SHISA9: variants seen among roughly 807,000 people sequenced by gnomAD.
The protein encoded by SHISA9 is protein shisa-9.
In SHISA9, 13 loss-of-function variants were observed where a neutral mutation model predicts 38.0. The ratio of observed to expected loss-of-function variants is 0.34; its 90% CI spans 0.22 to 0.54. SHISA9 has a LOEUF of 0.54. Among genes scored for constraint, SHISA9 ranks in the 20% least tolerant of loss-of-function variants. The pLI is 0.91. For synonymous variants in SHISA9, 275 were observed against 242.0 expected (o/e 1.14, Z -1.27); for missense variants, 538 against 575.8 (o/e 0.93, Z 0.67).
At chr16:13,118,203 T>TCACA (rs2074050206) in intron 2 of SHISA9, among the ~76,000 whole-genome samples, 1 of 133,848 alleles carries the variant, frequency 7.5e-6, no homozygotes. Context: ...AAAAAAAAGC[T>TCACA]CACAATCTAG....
chr16:12,934,075 T>A (rs910158005), intron 2 of SHISA9, among the ~76,000 whole-genome samples: 1 of 152,080 alleles, frequency 6.6e-6, no homozygotes, highest in Non-Finnish European at 1.5e-5. Flanking sequence ...CCGCAGGATG[T>A]GCAAAGGCCC....
At position 12,966,253 on chromosome 16, in the gene SHISA9, C is replaced by T. The variant is rs534160655; in HGVS notation, c.691+49438C>T. Among the ~76,000 whole-genome samples the T allele has an allele frequency of 1.6e-3, 247 of 152,322 alleles. 1 individual carries two copies. Among genetic ancestry groups the T allele is most frequent in the African/African-American group, 5.7e-3 (236 of 41,582 alleles). ...TCTATGATTTTGCTCACCTAGGGGA[C>T]ATCTGCTTCCCTAATCCTACCCTTG... On this transcript the variant is annotated intron_variant, in intron 2 of 4. Coordinates refer to ENST00000558583, the MANE Select transcript of SHISA9 (RefSeq NM_001145204.3).
intron 2 of SHISA9, among the ~76,000 whole-genome samples, chr16:12,970,414 TATA>T: frequency 3.0e-5 from 1 of 33,774 alleles, no homozygotes; most frequent in Admixed American, 5.1e-4. Flanking sequence ...CATATATATA[TATA>T]CACATATATG....
intron 2 of SHISA9, among the ~76,000 whole-genome samples, chr16:13,117,703 C>T (rs7190173): frequency 0.021 from 3,164 of 152,286 alleles, 117 homozygotes; most frequent in African/African-American, 0.072. Flanking sequence ...GGGCATGGCC[C>T]TGCCAACAGC....
chr16:13,481,823 A>C, the SHISA9 span, among the ~76,000 whole-genome samples: 2 of 152,216 alleles, frequency 1.3e-5, no homozygotes, highest in Admixed American at 1.3e-4. Context: ...TTTCCCCCAA[A>C]TTTCTATGAA....
the SHISA9 span, among the ~76,000 whole-genome samples, chr16:13,549,155 G>T: frequency 6.6e-6 from 1 of 152,168 alleles, no homozygotes; most frequent in African/African-American, 2.4e-5. Context: ...TGTGTAGAAT[G>T]TTAAAATGCT....
the SHISA9 span, among the ~76,000 whole-genome samples, chr16:13,497,688 AAAAAAAAAAAAAAG>A: frequency 2.6e-5 from 3 of 114,606 alleles, no homozygotes; most frequent in African/African-American, 8.2e-5. Flanking sequence ...CCGTCTCCAA[AAAAAAAAAAAAAAG>A]AAAAAAGAAA....
chr16:13,396,278 C>A, the SHISA9 span, among the ~76,000 whole-genome samples: 1 of 152,248 alleles, frequency 6.6e-6, no homozygotes, highest in South Asian at 2.1e-4. Flanking sequence ...AGGCCGAGGC[C>A]GGCGGATCAC....
the SHISA9 span, among the ~76,000 whole-genome samples, chr16:13,407,493 AT>A: frequency 6.6e-6 from 1 of 152,162 alleles, no homozygotes; most frequent in Admixed American, 6.5e-5. Context: ...GGCCATTAGG[AT>A]TTAACATATC....
intron 2 of SHISA9, among the ~76,000 whole-genome samples, chr16:12,947,808 T>G (rs2071706610): frequency 1.3e-5 from 2 of 152,150 alleles, no homozygotes; most frequent in Admixed American, 1.3e-4. Context: ...CTCTGAGAAA[T>G]AGAACACAAA....
the SHISA9 span, among the ~76,000 whole-genome samples, chr16:13,299,769 A>G: frequency 6.6e-6 from 1 of 151,712 alleles, no homozygotes; most frequent in South Asian, 2.1e-4. Flanking sequence ...GCTCTTAACC[A>G]TCCTGTAGAA....
At chr16:13,040,066 C>T (rs367853173) in intron 2 of SHISA9, among the ~76,000 whole-genome samples, 1 of 152,192 alleles carries the variant, frequency 6.6e-6, no homozygotes, top group Non-Finnish European at 1.5e-5. Flanking sequence ...AAGGCCTCCT[C>T]CCAGATTTCC....
At chr16:13,184,494 T>C (rs987752572) in intron 2 of SHISA9, among the ~76,000 whole-genome samples, 8 of 152,246 alleles carry the variant, frequency 5.3e-5, no homozygotes, top group African/African-American at 1.9e-4. Context: ...TTACATACAG[T>C]AAAATTCATT....
chr16:13,500,058 A>G, the SHISA9 span, among the ~76,000 whole-genome samples: 3 of 152,084 alleles, frequency 2.0e-5, no homozygotes, highest in Non-Finnish European at 2.9e-5. Context: ...CCCCACCCAA[A>G]TCTCATCTTG....
chr16:13,230,074 A>C (rs2051317063), intron 4 of SHISA9, among the ~76,000 whole-genome samples: 1 of 152,106 alleles, frequency 6.6e-6, no homozygotes, highest in Non-Finnish European at 1.5e-5. Flanking sequence ...TTCAGGGAGC[A>C]AACTAGGCCC....
intron 2 of SHISA9, among the ~76,000 whole-genome samples, chr16:13,170,946 C>A (rs999521154): frequency 6.6e-6 from 1 of 152,014 alleles, no homozygotes; most frequent in Non-Finnish European, 1.5e-5. Context: ...CGTCAACCAC[C>A]GCGCTGGGCC....
intron 2 of SHISA9, among the ~76,000 whole-genome samples, chr16:13,147,682 C>T (rs555006629): frequency 2.6e-5 from 4 of 152,080 alleles, no homozygotes; most frequent in South Asian, 2.1e-4. Flanking sequence ...AGGCTGGTCT[C>T]GAACTCTGAC....
At chr16:13,128,810 A>T (rs899343046) in intron 2 of SHISA9, among the ~76,000 whole-genome samples, 1 of 152,178 alleles carries the variant, frequency 6.6e-6, no homozygotes, top group Non-Finnish European at 1.5e-5. Context: ...GGAATTCATT[A>T]GGAATTCATT....
chr16:13,449,874 T>C, the SHISA9 span, among the ~76,000 whole-genome samples: 1 of 152,174 alleles, frequency 6.6e-6, no homozygotes, highest in Admixed American at 6.5e-5. Flanking sequence ...CCCAGCACTT[T>C]GTGAGGCTGA....
Sources: allele counts gnomAD v4.1 joint callset (sites outside exome capture counted in the v4.1 genomes callset), GRCh38; gene constraint gnomAD v4.1.1; transcripts MANE v1.5; gene names NCBI Gene and HGNC (gene_info 2026-07-23, HGNC 2026-07-21).